Variants in HSPH1 observed in about 807,000 individuals in gnomAD.
The protein encoded by HSPH1 is heat shock protein family H (Hsp110) member 1.
In HSPH1, 40 loss-of-function variants were observed where a neutral mutation model predicts 100.0. That is an observed-to-expected ratio of 0.40 (90% confidence interval 0.31 to 0.52). The LOEUF is 0.52. HSPH1 is among the 20% of genes least tolerant of loss of function. The probability of loss-of-function intolerance (pLI) is 0.54; values close to 1 mark genes in which losing one functional copy is unlikely to be tolerated. For synonymous variants in HSPH1, 403 were observed against 344.0 expected (o/e 1.17, Z -1.90); for missense variants, 876 against 1,015.1 (o/e 0.86, Z 1.86).
At chr13:31,150,297 C>T in intron 7 of HSPH1, 115 bp from the exon 8 acceptor site, 1 of 678,560 alleles carries the variant, frequency 1.5e-6, no homozygotes, top group Middle Eastern at 4.1e-4. Context: ...CCCACATGGG[C>T]CAAGTTTAGC....
At chr13:31,162,268 G>C, upstream of HSPH1, 1 of 668,420 alleles carries the variant, frequency 1.5e-6, no homozygotes, top group Non-Finnish European at 2.5e-6. Flanking sequence ...ACGCTAAAGG[G>C]AGGCTGGGCG....
chr13:31,153,323 T>G (rs1292916718), intron 4 of HSPH1, among the ~76,000 whole-genome samples: 1 of 152,224 alleles, frequency 6.6e-6, no homozygotes, highest in African/African-American at 2.4e-5. Context: ...TAGGAAATTA[T>G]AATGCTAGGT....
chr13:31,136,936 G>A lies in HSPH1; in HGVS notation c.*382C>T. 2 of 311,532 alleles carry A rather than the reference G, an allele frequency of 6.4e-6. No homozygotes were observed. The highest frequency in any genetic ancestry group is 3.1e-5 in the South Asian group (1 of 32,760). The allele number at this position is 311,532 out of a possible 1,614,324, so 19.3% of individuals were successfully genotyped here. ...TCCACACCCACACACATGCTGAATG[G>A]AGAGCAAAATGCAAGAAAACTACCT... On this transcript the variant is annotated 3_prime_UTR_variant, in exon 18 of 18. Transcript: ENST00000320027.
rs1265851568 is a variant in HSPH1 at position 31,151,708 on chromosome 13, G to A, written c.564C>T (p.Leu188=). ...TCCGAGGTTTCTCATCCAGGCTTGG[G>A]AGATCCTGCTTATAAATTCCGTAAT... ...ALNYGIYKQD[L]PSLDEKPRIV... The change falls in exon 6 of 18, where the codon CTC becomes CTT. Residue 188 remains leucine (L), a synonymous_variant. Coordinates refer to ENST00000320027, the MANE Select transcript of HSPH1 (RefSeq NM_006644.4). The A allele has an allele frequency of 3.1e-6, 5 of 1,611,216 alleles. No individual in the cohort carries two copies. In the South Asian group the frequency reaches 4.4e-5, roughly 14 times the overall value.
intron 1 of HSPH1, 85 bp downstream of exon 1, chr13:31,161,391 A>T: frequency 6.5e-7 from 1 of 1,547,268 alleles, no homozygotes; most frequent in South Asian, 1.2e-5. Flanking sequence ...TGCCGCGGTG[A>T]TCCGTACAGC....
rs1419453087 is a variant in HSPH1, at chr13:31,143,907, T to C, written c.1601A>G (p.Asp534Gly). 6.2e-7 allele frequency: 1 copy of C among 1,602,798 alleles called. No homozygotes were observed. The highest frequency in any genetic ancestry group is 2.3e-5 in the East Asian group (1 of 44,194). The change falls in exon 12 of 18, where the codon GAC becomes GGC. Residue 534 changes from aspartate (D) to glycine (G), a missense_variant. Physicochemically the swap from Asp to Gly is moderately conservative, Grantham distance 94. Coordinates refer to ENST00000320027, the MANE Select transcript of HSPH1 (RefSeq NM_006644.4). Reference protein sequence around the residue: ...NPDTDKNVQQDNSEAGTQPQV... With the variant: ...NPDTDKNVQQGNSEAGTQPQV... Reference sequence around the variant, plus strand: ...GGGCTGTGTTCCAGCTTCACTGTTGTCTTGCTGGACATTTTTCTGAAATGA... The same window carrying C: ...GGGCTGTGTTCCAGCTTCACTGTTGCCTTGCTGGACATTTTTCTGAAATGA...
In HSPH1 at chr13:31,151,682, A is replaced by G. The variant is rs1956492741; in HGVS notation, c.590T>C (p.Ile197Thr). Residue 197 changes from isoleucine to threonine, a missense_variant, in exon 6 of 18, where the codon ATA (isoleucine) becomes ACA (threonine). Ile to Thr is a moderately conservative substitution (Grantham distance 89). Transcript: ENST00000320027. ...ATGTCCCATATCAACAAAAACCACTATCCGAGGTTTCTCATCCAGGCTTGG... is the reference window on the plus strand; with the variant it reads ...ATGTCCCATATCAACAAAAACCACTGTCCGAGGTTTCTCATCCAGGCTTGG... The part of the protein sequence containing the change: ...DLPSLDEKPR[I>T]VVFVDMGHSA... 2 of 1,612,504 alleles carry G rather than the reference A, an allele frequency of 1.2e-6. No individual in the cohort carries two copies. Among genetic ancestry groups the G allele is most frequent in the Admixed American group, 1.7e-5 (1 of 59,848 alleles).
intron 1 of HSPH1, 129 bp downstream of exon 1, chr13:31,161,347 C>G: frequency 2.0e-6 from 3 of 1,464,942 alleles, no homozygotes; most frequent in Non-Finnish European, 9.1e-7. Context: ...CCTAGTTCCA[C>G]GGAGGGGTGC....
chr13:31,137,246 T>G lies in HSPH1; in HGVS notation c.*72A>C, dbSNP rs1955912459. On this transcript the variant is annotated 3_prime_UTR_variant, in exon 18 of 18. Transcript: ENST00000320027. Reference sequence around the variant, plus strand: ...AAAAAGAAAATATAAATAGTTTCAGTATGTTATGTAGAGTCACATACTATG... The same window carrying G: ...AAAAAGAAAATATAAATAGTTTCAGGATGTTATGTAGAGTCACATACTATG... 1 of 862,186 alleles carries G rather than the reference T, an allele frequency of 1.2e-6. No homozygotes were observed. The highest frequency in any genetic ancestry group is 1.7e-5 in the African/African-American group (1 of 58,758). The allele number at this position is 862,186 out of a possible 1,614,324, so 53.4% of individuals were successfully genotyped here.
At chr13:31,150,348 C>G (rs1461570486) in intron 7 of HSPH1, among the ~76,000 whole-genome samples, 166 bp from the exon 8 acceptor site, 1 of 152,136 alleles carries the variant, frequency 6.6e-6, no homozygotes, top group Admixed American at 6.5e-5. Flanking sequence ...GATAAATACA[C>G]CAAACAGGTG....
At position 31,139,085 on chromosome 13, in the gene HSPH1, A is replaced by C. The variant is rs750748312; in HGVS notation, c.2003T>G (p.Leu668Arg). The C allele has an allele frequency of 1.2e-6, 2 of 1,611,740 alleles. No homozygotes were observed. The highest frequency in any genetic ancestry group is 1.7e-5 in the Admixed American group (1 of 59,940). Residue 668 changes from leucine to arginine, a missense_variant, in exon 15 of 18, where the codon CTC (leucine) becomes CGC (arginine). Leu to Arg is a moderately radical substitution (Grantham distance 102, BLOSUM62 -2). Transcript: ENST00000320027. ...CAGCCAGTCTTCAGTTTCTGTGAGG[A>C]GTCTCAAAAAATTTTGATGATCCTT... Reference protein sequence around the residue: ...CEQDHQNFLRLLTETEDWLYE... With the variant: ...CEQDHQNFLRRLTETEDWLYE...
chr13:31,156,116 C>A (rs569241857), intron 2 of HSPH1, among the ~76,000 whole-genome samples: 1 of 152,144 alleles, frequency 6.6e-6, no homozygotes, highest in Non-Finnish European at 1.5e-5. Context: ...TTTGGCCAGG[C>A]GCGGTGGCTC....
Position 31,137,328 on chromosome 13 carries a change from T to G in HSPH1, c.2567A>C (p.Asp856Ala). Residue 856 changes from aspartate (D) to alanine (A), a missense_variant, in exon 18 of 18, where the codon GAC (aspartate) becomes GCC (alanine). Transcript: ENST00000320027. The stretch of plus-strand genomic sequence containing the variant: ...CCAATTTAAGGTTATCTAGTCCAAG[T>G]CCATATTAACAGAATTTTTCTCATT... ...YPNEKNSVNMDLD is the reference protein window; with the variant it reads ...YPNEKNSVNMALD 6.2e-7 allele frequency: 1 copy of G among 1,603,478 alleles called. No homozygotes were observed. Among genetic ancestry groups the G allele is most frequent in the Non-Finnish European group, 8.5e-7 (1 of 1,172,060 alleles).
At chr13:31,139,959 T>C (rs541805594) in intron 14 of HSPH1, among the ~76,000 whole-genome samples, 1 of 152,222 alleles carries the variant, frequency 6.6e-6, no homozygotes, top group South Asian at 2.1e-4. Context: ...ACATAAATAT[T>C]TGATAGGTTC....
intron 10 of HSPH1, 25 bp from the exon 11 acceptor site, chr13:31,145,793 C>A: frequency 6.2e-7 from 1 of 1,601,164 alleles, no homozygotes; most frequent in Non-Finnish European, 8.6e-7. Context: ...ACAAAAATCA[C>A]AAAATCACAA....
Position 31,150,941 on chromosome 13 carries a change from A to G in HSPH1, c.908+6T>C, listed in dbSNP as rs1956464707. On this transcript the variant is annotated splice_donor_region_variant and intron_variant, in intron 7 of 17. Transcript: ENST00000320027. ...ATCTATTTAATCTGTAGAATTCAAG[A>G]CACACCTGTTCATCTTTCCGGAAAC... is the stretch of plus-strand genomic sequence containing the variant. The G allele has an allele frequency of 1.2e-6, 2 of 1,607,826 alleles. No homozygotes were observed. The highest frequency in any genetic ancestry group is 1.7e-6 in the Non-Finnish European group (2 of 1,177,216).
chr13:31,155,648 T>C lies in HSPH1; in HGVS notation c.172A>G (p.Thr58Ala). 2 of 1,584,680 alleles carry C rather than the reference T, an allele frequency of 1.3e-6. No homozygotes were observed. Among genetic ancestry groups the C allele is most frequent in the Non-Finnish European group, 1.7e-6 (2 of 1,167,086 alleles). The change falls in exon 3 of 18, where the codon ACT (threonine) becomes GCT (alanine). Residue 58 changes from threonine (T) to alanine (A), a missense_variant. Physicochemically the swap from Thr to Ala is moderately conservative, Grantham distance 58. Transcript: ENST00000320027. Reference protein sequence around the residue: ...IGVAAKNQQITHANNTVSNFK... With the variant: ...IGVAAKNQQIAHANNTVSNFK... ...TTAGACACCGTATTGTTTGCATGAGTGATTTGCTGCAAAAAGAAGTTTGAG... is the reference window on the plus strand; with the variant it reads ...TTAGACACCGTATTGTTTGCATGAGCGATTTGCTGCAAAAAGAAGTTTGAG...
intron 7 of HSPH1, among the ~76,000 whole-genome samples, chr13:31,150,737 G>A (rs947043725): frequency 2.6e-5 from 4 of 152,172 alleles, no homozygotes; most frequent in African/African-American, 9.7e-5. Context: ...TTAGACCCAT[G>A]AGAGTACTTA....
chr13:31,146,273 A>G (rs1051099628), intron 10 of HSPH1, among the ~76,000 whole-genome samples: 10 of 152,224 alleles, frequency 6.6e-5, no homozygotes, highest in Non-Finnish European at 1.3e-4. Context: ...AATATATACT[A>G]TAACTATGAC....
Sources: allele counts gnomAD v4.1 joint callset (sites outside exome capture counted in the v4.1 genomes callset), GRCh38; gene constraint gnomAD v4.1.1; transcripts MANE v1.5; gene names NCBI Gene and HGNC (gene_info 2026-07-23, HGNC 2026-07-21).